The following MLXIPL variants were observed in gnomAD, a reference collection of about 807,000 sequenced individuals.
MLXIPL encodes the protein MLX interacting protein like, also known as carbohydrate-responsive element-binding protein.
A neutral mutation model predicts 81.5 loss-of-function variants in MLXIPL; 49 were observed. The ratio of observed to expected loss-of-function variants is 0.60; its 90% confidence interval spans 0.48 to 0.76. MLXIPL has a LOEUF of 0.76. Ranked by LOEUF, MLXIPL falls within the 30% of genes least tolerant of loss-of-function variation. MLXIPL has a pLI of 0.00. For missense variants in MLXIPL, 1,053 were observed against 1,167.0 expected, an observed-to-expected ratio of 0.90 and a Z score of 1.42; for synonymous variants, 466 against 485.5, an observed-to-expected ratio of 0.96 and a Z score of 0.53.
Position 73,597,720 on chromosome 7 carries a change from G to A in MLXIPL, c.1072-7C>T, listed in dbSNP as rs199771525. 5.2e-6 allele frequency: 7 copies of A among 1,337,106 alleles called. No individual in the cohort carries two copies. The African/African-American group carries it at 6.0e-5, about 11-fold the overall frequency. 82.8% of individuals were successfully genotyped at this position (1,337,106 alleles called of 1,614,324 possible). On this transcript the variant is annotated splice_polypyrimidine_tract_variant and splice_region_variant and intron_variant, in intron 8 of 16. Coordinates refer to ENST00000313375, the MANE Select transcript of MLXIPL (RefSeq NM_032951.3). ...CAGGGCAGCTGTTCCGAGCCTGGTTGGGGGGACAGACAGACACTCAGAGAG... is the reference window on the plus strand; with the variant it reads ...CAGGGCAGCTGTTCCGAGCCTGGTTAGGGGGACAGACAGACACTCAGAGAG...
At chr7:73,619,442 CAG>C (rs1554601495) in intron 1 of MLXIPL, among the ~76,000 whole-genome samples, 20 of 141,992 alleles carry the variant, frequency 1.4e-4, no homozygotes, top group East Asian at 6.3e-4. Flanking sequence ...GCCTGGGCGA[CAG>C]AGAGCGACTC....
intron 7 of MLXIPL, among the ~76,000 whole-genome samples, chr7:73,605,092 G>A (rs1260948726): frequency 6.6e-6 from 1 of 152,118 alleles, no homozygotes; most frequent in East Asian, 1.9e-4. Context: ...AATGCATTGT[G>A]TGAAAAATAA....
intron 7 of MLXIPL, among the ~76,000 whole-genome samples, chr7:73,600,238 AGTGGG>A (rs1794675536): frequency 6.8e-6 from 1 of 147,018 alleles, no homozygotes; most frequent in Admixed American, 6.8e-5. Flanking sequence ...GGAGCCTAGG[AGTGGG>A]GTGAAGAGTG....
At chr7:73,647,831 G>T in the MLXIPL span, among the ~76,000 whole-genome samples, 1 of 150,916 alleles carries the variant, frequency 6.6e-6, no homozygotes, top group South Asian at 2.1e-4. Flanking sequence ...GGCGGCGGGC[G>T]GCGGGGGCGC....
chr7:73,601,532 G>C (rs11772762), intron 7 of MLXIPL, among the ~76,000 whole-genome samples: 20,293 of 152,018 alleles, frequency 0.13, 1,769 homozygotes, highest in Non-Finnish European at 0.19. Flanking sequence ...AAGGGGTGCA[G>C]GGCGAGGGGA....
the MLXIPL span, among the ~76,000 whole-genome samples, chr7:73,633,607 C>T: frequency 6.6e-6 from 1 of 152,084 alleles, no homozygotes; most frequent in African/African-American, 2.4e-5. Flanking sequence ...GTGGGAGCCA[C>T]CATGCCAGGC....
In MLXIPL at chr7:73,595,713, T is replaced by G. The variant is rs1554593400; in HGVS notation, c.2234A>C (p.Gln745Pro). Reference sequence around the variant, plus strand: ...CATGTCTCGCATCTGGTCAAAACGCTGGTGTGTGATGGGTACCCCTGTGGC... The same window carrying G: ...CATGTCTCGCATCTGGTCAAAACGCGGGTGTGTGATGGGTACCCCTGTGGC... Reference protein sequence around the residue: ...LPATGVPITHQRFDQMRDMFD... With the variant: ...LPATGVPITHPRFDQMRDMFD... The change falls in exon 15 of 17, where the codon CAG becomes CCG. Residue 745 changes from glutamine to proline, a missense_variant. Gln to Pro is a moderately conservative substitution (Grantham distance 76). Around this residue, in one of 3 missense-constraint regions of MLXIPL, gnomAD observed 823 missense variants for 933.0 expected, o/e 0.88. Transcript: ENST00000313375. 1.2e-6 allele frequency: 2 copies of G among 1,613,512 alleles called. No homozygotes were observed. Among genetic ancestry groups the G allele is most frequent in the Admixed American group, 3.3e-5 (2 of 59,930 alleles).
At chr7:73,620,989 A>T (rs1796311779) in intron 1 of MLXIPL, among the ~76,000 whole-genome samples, 1 of 148,172 alleles carries the variant, frequency 6.7e-6, no homozygotes, top group Non-Finnish European at 1.5e-5. Flanking sequence ...GACGGAGATT[A>T]CAGTGAGCTG....
chr7:73,606,171 T>G lies in MLXIPL; in HGVS notation c.619-60A>C, dbSNP rs1795267530. ...GCTCCCACTGCCCCGATCTTCCATA[T>G]CACCCCTCTCCAGGGTCAAGTGGTC... On this transcript the variant is annotated intron_variant, in intron 5 of 16. Coordinates refer to ENST00000313375, the MANE Select transcript of MLXIPL (RefSeq NM_032951.3). 2.0e-6 allele frequency: 3 copies of G among 1,514,428 alleles called. No homozygotes were observed. The African/African-American group carries it at 4.1e-5, about 21-fold the overall frequency. The allele number at this position is 1,514,428 out of a possible 1,614,324, so 93.8% of individuals were successfully genotyped here.
chr7:73,631,828 T>A, the MLXIPL span, among the ~76,000 whole-genome samples: 1 of 146,156 alleles, frequency 6.8e-6, no homozygotes, highest in Admixed American at 6.9e-5. Flanking sequence ...TTCTCTCCAG[T>A]CTTGTCTTGT....
chr7:73,607,214 C>A, intron 4 of MLXIPL, 117 bp downstream of exon 4: 1 of 1,288,772 alleles, frequency 7.8e-7, no homozygotes. Flanking sequence ...GAATGGAGGG[C>A]CCGAGGGGCG....
In MLXIPL at chr7:73,595,744, G is replaced by T; in HGVS notation, c.2203C>A (p.Leu735Met). The T allele has an allele frequency of 6.2e-7, 1 of 1,603,796 alleles. No homozygotes were observed. The highest frequency in any genetic ancestry group is 1.1e-5 in the South Asian group (1 of 90,120). ...GTGATGGGTACCCCTGTGGCGGGCA[G>T]CTGCTGCTGGCACAGGCTGGGGGCA... ...NAAINLCQQQ[L>M]PATGVPITHQ... is the part of the protein sequence containing the mutation. Residue 735 changes from leucine (L) to methionine (M), a missense_variant, in exon 15 of 17, where the codon CTG becomes ATG. Coordinates refer to ENST00000313375, the MANE Select transcript of MLXIPL (RefSeq NM_032951.3).
chr7:73,633,714 A>G, the MLXIPL span, among the ~76,000 whole-genome samples: 1 of 152,008 alleles, frequency 6.6e-6, no homozygotes, highest in Admixed American at 6.6e-5. Context: ...TCAGCCTCCC[A>G]AAGTTGCTGG....
the MLXIPL span, among the ~76,000 whole-genome samples, chr7:73,634,805 TTTA>T: frequency 1.8e-4 from 27 of 146,996 alleles, no homozygotes; most frequent in South Asian, 1.3e-3. Flanking sequence ...TCTATATGTA[TTTA>T]TTATTATTAT....
chr7:73,607,037 T>A lies in MLXIPL; in HGVS notation c.574-19A>T, dbSNP rs1795336189. The A allele has an allele frequency of 1.2e-6, 2 of 1,612,414 alleles. No individual in the cohort carries two copies. Among genetic ancestry groups the A allele is most frequent in the Non-Finnish European group, 1.7e-6 (2 of 1,179,460 alleles). On this transcript the variant is annotated intron_variant, in intron 4 of 16. Coordinates refer to ENST00000313375, the MANE Select transcript of MLXIPL (RefSeq NM_032951.3). Reference sequence around the variant, plus strand: ...TACGGAGCTGCAGGGACACACAGAGTTGGACACCGGATCCCTTGCCCCATC... The same window carrying A: ...TACGGAGCTGCAGGGACACACAGAGATGGACACCGGATCCCTTGCCCCATC...
In MLXIPL at chr7:73,596,691, G is replaced by T; in HGVS notation, c.1770C>A (p.Ser590=). 6.3e-7 allele frequency: 1 copy of T among 1,589,602 alleles called. No homozygotes were observed. Among genetic ancestry groups the T allele is most frequent in the Non-Finnish European group, 8.6e-7 (1 of 1,168,212 alleles). Reference sequence around the variant, plus strand: ...CCGCTTTGGGGACAAGCAGGGGCCTGGAAGGGGCCAATGTGGCCGGGCCTG... The same window carrying T: ...CCGCTTTGGGGACAAGCAGGGGCCTTGAAGGGGCCAATGTGGCCGGGCCTG... ...PPPGPATLAP[S]RPLLVPKAER... is the part of the protein sequence containing the mutation. Residue 590 remains serine, a synonymous_variant, in exon 11 of 17, where the codon TCC becomes TCA. Transcript: ENST00000313375. This position sits in a 1 kb window ranked among gnomAD's most constrained non-coding sequence, Gnocchi z 4.7.
chr7:73,615,185 C>T (rs1314536210), intron 2 of MLXIPL, among the ~76,000 whole-genome samples: 2 of 152,058 alleles, frequency 1.3e-5, no homozygotes, highest in East Asian at 3.9e-4. Context: ...GGGGCAGAGA[C>T]GGGGTGGAGG....
chr7:73,596,855 G>A lies in MLXIPL; in HGVS notation c.1671+10C>T, dbSNP rs372647137. 1.1e-4 allele frequency: 179 copies of A among 1,610,760 alleles called. No homozygotes were observed. The highest frequency in any genetic ancestry group is 3.3e-5 in the South Asian group (3 of 90,356). ...GGCACAGCCCCACCGCCCAGTGCCC[G>A]AGATCTTACCGGGGACCCTGGGGAC... On this transcript the variant is annotated intron_variant, in intron 10 of 16. Coordinates refer to ENST00000313375, the MANE Select transcript of MLXIPL (RefSeq NM_032951.3). The surrounding 1 kb of genome is among the most constrained non-coding windows in gnomAD (Gnocchi z 4.7).
rs1794046980 is a variant in MLXIPL, at chr7:73,593,917, G to A, written c.2507C>T (p.Pro836Leu). 3.1e-6 allele frequency: 5 copies of A among 1,614,196 alleles called. No homozygotes were observed. Among genetic ancestry groups the A allele is most frequent in the Non-Finnish European group, 4.2e-6 (5 of 1,180,038 alleles). Reference protein sequence around the residue: ...TSILTDPGRIPEQATRAVTEG... With the variant: ...TSILTDPGRILEQATRAVTEG... ...TGTGACTGCCCGTGTGGCTTGCTCA[G>A]GGATGCGGCCCGGGTCGGTCAGGAT... is the stretch of plus-strand genomic sequence containing the variant. Residue 836 changes from proline (P) to leucine (L), a missense_variant, in exon 17 of 17, where the codon CCT becomes CTT. Pro to Leu is a moderately conservative substitution (Grantham distance 98, BLOSUM62 -3). Transcript: ENST00000313375.
Sources: gnomAD v4.1 joint callset for allele counts (sites outside exome capture counted in the v4.1 genomes callset) on GRCh38, gnomAD v4.1.1 for gene constraint, gnomAD v4.1.1 regional missense constraint, Gnocchi (gnomAD v3.1) non-coding constraint, MANE v1.5 for transcripts, NCBI Gene and HGNC (gene_info 2026-07-23, HGNC 2026-07-21) for gene names.